The following SEMA5A variants were observed in gnomAD, a reference collection of about 807,000 sequenced individuals.
The protein encoded by SEMA5A is semaphorin-5A.
In SEMA5A, 55 loss-of-function variants were observed where a neutral mutation model predicts 135.5. The ratio of observed to expected loss-of-function variants is 0.41; its 90% CI spans 0.33 to 0.51. The LOEUF is 0.51. Among genes scored for constraint, SEMA5A ranks in the 20% least tolerant of loss-of-function variants. The probability of loss-of-function intolerance (pLI) is 0.37; values close to 1 mark genes in which losing one functional copy is unlikely to be tolerated. For missense variants in SEMA5A, 1,290 were observed against 1,419.9 expected (o/e 0.91, Z 1.47); for synonymous variants, 580 against 546.5 (o/e 1.06, Z -0.85).
chr5:9,514,751 T>G (rs370002), intron 1 of SEMA5A, among the ~76,000 whole-genome samples: 48,471 of 152,210 alleles, frequency 0.32, 8,017 homozygotes, highest in East Asian at 0.57. Flanking sequence ...ATCCATAGAC[T>G]TGGAACCCAT....
At chr5:9,540,605 GA>G (rs948347897) in intron 1 of SEMA5A, among the ~76,000 whole-genome samples, 1 of 151,666 alleles carries the variant, frequency 6.6e-6, no homozygotes, top group African/African-American at 2.4e-5. Context: ...TCAAAAATAA[GA>G]AAAAAAGAAA....
chr5:9,499,127 A>C (rs948751100), intron 1 of SEMA5A, among the ~76,000 whole-genome samples: 9 of 152,208 alleles, frequency 5.9e-5, no homozygotes, highest in African/African-American at 2.2e-4. Flanking sequence ...TGGTGGAACA[A>C]GGGAGATGAG....
At chr5:9,109,028 A>ATTTTTTTTTTTTTTTTTTTT (rs67762219) in intron 15 of SEMA5A, among the ~76,000 whole-genome samples, 1 of 92,446 alleles carries the variant, frequency 1.1e-5, no homozygotes, top group African/African-American at 4.6e-5. Flanking sequence ...TTTCTCTTCA[A>ATTTTTTTTTTTTTTTTTTTT]TTTTTTTTTT....
rs1806024 is a variant in SEMA5A, at chr5:9,229,588, C to T, written c.334-2621G>A. ...AAGCTGATGGACTTAATGGATGACACAGACATATTAATGACACCATCATAA... is the reference window on the plus strand; with the variant it reads ...AAGCTGATGGACTTAATGGATGACATAGACATATTAATGACACCATCATAA... On this transcript the variant is annotated intron_variant, in intron 6 of 22. Transcript: ENST00000382496. 9.9e-3 allele frequency among the ~76,000 whole-genome samples: 1,510 copies of T among 152,224 alleles called. 30 individuals carry two copies. The highest frequency in any genetic ancestry group is 0.035 in the African/African-American group (1,457 of 41,518).
chr5:9,293,650 C>G (rs944531237), intron 5 of SEMA5A, among the ~76,000 whole-genome samples: 5 of 152,158 alleles, frequency 3.3e-5, no homozygotes, highest in Non-Finnish European at 5.9e-5. Context: ...GTTATTTGAT[C>G]ATCTAATTTC....
intron 12 of SEMA5A, among the ~76,000 whole-genome samples, chr5:9,140,662 G>A (rs901362570): frequency 6.6e-6 from 1 of 152,166 alleles, no homozygotes; most frequent in African/African-American, 2.4e-5. Context: ...TGGCAAACCT[G>A]AGAGTAATTC....
chr5:9,466,159 G>A (rs576577204), intron 1 of SEMA5A, among the ~76,000 whole-genome samples: 3 of 152,174 alleles, frequency 2.0e-5, no homozygotes, highest in South Asian at 2.1e-4. Context: ...GGAGATCACT[G>A]GGAAACAGGA....
At chr5:9,453,151 A>C (rs750378959) in intron 1 of SEMA5A, among the ~76,000 whole-genome samples, 5 of 152,218 alleles carry the variant, frequency 3.3e-5, no homozygotes, top group Non-Finnish European at 7.3e-5. Context: ...TCATAAAAGA[A>C]AAATACAGTT....
chr5:9,298,791 T>C (rs1046635819), intron 5 of SEMA5A, among the ~76,000 whole-genome samples: 1 of 152,212 alleles, frequency 6.6e-6, no homozygotes, highest in South Asian at 2.1e-4. Flanking sequence ...TTTAAATATA[T>C]ACTGAGTCAC....
intron 2 of SEMA5A, among the ~76,000 whole-genome samples, chr5:9,428,400 A>C (rs146016438): frequency 1.3e-5 from 2 of 152,282 alleles, no homozygotes; most frequent in African/African-American, 4.8e-5. Flanking sequence ...CCACTGTAAC[A>C]CTGATAGTGT....
intron 2 of SEMA5A, among the ~76,000 whole-genome samples, chr5:9,384,327 T>TA (rs1437309138): frequency 1.3e-5 from 2 of 152,118 alleles, no homozygotes; most frequent in African/African-American, 4.8e-5. Flanking sequence ...AACACATTCA[T>TA]ACCAGGGCTT....
At chr5:9,524,415 G>T (rs1361618278) in intron 1 of SEMA5A, among the ~76,000 whole-genome samples, 1 of 152,178 alleles carries the variant, frequency 6.6e-6, no homozygotes, top group Non-Finnish European at 1.5e-5. Flanking sequence ...CACACAGGGA[G>T]CACTCCACGT....
chr5:9,341,060 A>C (rs1355432077), intron 3 of SEMA5A, among the ~76,000 whole-genome samples: 2 of 151,964 alleles, frequency 1.3e-5, no homozygotes, highest in Non-Finnish European at 2.9e-5. Flanking sequence ...ATCCTCTCCT[A>C]TTTCAAAAAG....
chr5:9,405,729 T>G (rs556719319), intron 2 of SEMA5A, among the ~76,000 whole-genome samples: 1 of 152,320 alleles, frequency 6.6e-6, no homozygotes, highest in Non-Finnish European at 1.5e-5. Flanking sequence ...AATCATGAAT[T>G]AATCTCCATG....
chr5:9,356,098 A>T (rs911211550), intron 3 of SEMA5A, among the ~76,000 whole-genome samples: 1 of 152,134 alleles, frequency 6.6e-6, no homozygotes, highest in African/African-American at 2.4e-5. Flanking sequence ...CTTCCCTTCA[A>T]TTCTTTCCCC....
chr5:9,079,511 C>A (rs951229649), intron 16 of SEMA5A, among the ~76,000 whole-genome samples: 1 of 151,782 alleles, frequency 6.6e-6, no homozygotes, highest in African/African-American at 2.4e-5. Context: ...GCTAGAGAAG[C>A]AACAGCAAAC....
intron 1 of SEMA5A, among the ~76,000 whole-genome samples, chr5:9,531,870 T>C (rs576457788): frequency 1.1e-4 from 16 of 152,152 alleles, no homozygotes; most frequent in Admixed American, 3.9e-4. Context: ...CAAGACACAC[T>C]AAAAGCAAAC....
intron 1 of SEMA5A, among the ~76,000 whole-genome samples, chr5:9,518,565 A>G (rs758625065): frequency 2.6e-5 from 4 of 152,198 alleles, no homozygotes; most frequent in Non-Finnish European, 5.9e-5. Flanking sequence ...AAAGCAGGAA[A>G]ACTTCACCCA....
chr5:9,413,244 A>C (rs778382582), intron 2 of SEMA5A, among the ~76,000 whole-genome samples: 23 of 152,198 alleles, frequency 1.5e-4, no homozygotes, highest in Non-Finnish European at 2.8e-4. Flanking sequence ...TTACAGGAGA[A>C]TGGGCGTTAC....
Sources: allele counts gnomAD v4.1 joint callset (sites outside exome capture counted in the v4.1 genomes callset), GRCh38; gene constraint gnomAD v4.1.1; transcripts MANE v1.5; gene names NCBI Gene and HGNC (gene_info 2026-07-23, HGNC 2026-07-21).